KALRN: variants seen among roughly 807,000 people sequenced by gnomAD.
KALRN encodes kalirin.
In KALRN, 70 loss-of-function variants were observed where a neutral mutation model predicts 353.7. The observed-to-expected ratio is 0.20, with a 90% confidence interval of 0.16 to 0.24. The LOEUF (loss-of-function observed/expected upper bound fraction) is 0.24. KALRN is among the 10% of genes least tolerant of loss of function. The pLI is 1.00. For synonymous variants in KALRN, 1,391 were observed against 1,434.8 expected (o/e 0.97, Z 0.69); for missense variants, 2,791 against 3,756.7 (o/e 0.74, Z 6.72).
At chr3:124,561,844 T>C (rs551245921) in intron 33 of KALRN, among the ~76,000 whole-genome samples, 1 of 152,284 alleles carries the variant, frequency 6.6e-6, no homozygotes, top group African/African-American at 2.4e-5. Flanking sequence ...CAGCTGCTCT[T>C]CCAAGAGGGA....
intron 1 of KALRN, among the ~76,000 whole-genome samples, chr3:124,067,910 G>C (rs562506850): frequency 1.3e-5 from 2 of 152,356 alleles, no homozygotes. Flanking sequence ...GACTCCTGAC[G>C]TAGTCTTGTA....
At chr3:124,649,662 A>G (rs890234086) in intron 37 of KALRN, among the ~76,000 whole-genome samples, 9 of 151,616 alleles carry the variant, frequency 5.9e-5, no homozygotes, top group Non-Finnish European at 1.2e-4. Context: ...ATGGTGGTGC[A>G]TGACTGTCCC....
rs1051582363 is a variant in KALRN, at chr3:124,329,947, C to A, written c.1371C>A (p.His457Gln). 1.9e-6 allele frequency: 3 copies of A among 1,613,750 alleles called. No individual in the cohort carries two copies. In the Admixed American group the frequency reaches 5.0e-5, roughly 27 times the overall value. The change falls in exon 8 of 60, where the codon CAC becomes CAA. Residue 457 changes from histidine to glutamine, a missense_variant. Transcript: ENST00000682506. ...TGCAAGACCTAGAGCTGGCAATCCA[C>A]CACCACCAGACCTTGTATGAGCAGG... ...SEMQDLELAIHHHQTLYEQVT... is the reference protein window; with the variant it reads ...SEMQDLELAIQHHQTLYEQVT...
rs201826068 is a variant in KALRN at position 124,413,477 on chromosome 3, C to T, written c.2354C>T (p.Ala785Val). ...ACAGTGGTTCCCTCACAGGTGACAG[C>T]AGAGCTAGACGCCTGGAATGAAGAC... is the stretch of plus-strand genomic sequence containing the variant. ...IFEQYTIEVT[A>V]ELDAWNEDLL... Residue 785 changes from alanine to valine, a missense_variant, in exon 14 of 60, where the codon GCA (alanine) becomes GTA (valine). Coordinates refer to ENST00000682506, the MANE Select transcript of KALRN (RefSeq NM_001388419.1). 1,226 of 1,613,740 alleles carry T rather than the reference C, an allele frequency of 7.6e-4. 4 individuals carry two copies. Among genetic ancestry groups the T allele is most frequent in the Non-Finnish European group, 1.0e-4 (121 of 1,179,746 alleles).
chr3:124,432,791 T>A (rs930536061), intron 16 of KALRN, among the ~76,000 whole-genome samples: 1 of 152,202 alleles, frequency 6.6e-6, no homozygotes, highest in Non-Finnish European at 1.5e-5. Flanking sequence ...CATAAACACC[T>A]CTTAATCAGT....
chr3:124,519,429 T>G, intron 33 of KALRN: 1 of 985,382 alleles, frequency 1.0e-6, no homozygotes, highest in African/African-American at 1.7e-5. Context: ...GAGGCAGAGA[T>G]GATGATTCCA....
At chr3:124,571,093 A>G (rs2073465657) in intron 34 of KALRN, among the ~76,000 whole-genome samples, 1 of 152,174 alleles carries the variant, frequency 6.6e-6, no homozygotes, top group African/African-American at 2.4e-5. Flanking sequence ...CCCCGAGTGT[A>G]AATCCACCAG....
chr3:124,654,690 C>G (rs905644156), intron 38 of KALRN, among the ~76,000 whole-genome samples: 12 of 152,216 alleles, frequency 7.9e-5, no homozygotes, highest in African/African-American at 2.9e-4. Flanking sequence ...GTTTACCAAG[C>G]AGTGGGCTGC....
intron 43 of KALRN, among the ~76,000 whole-genome samples, chr3:124,660,212 C>T (rs922220542): frequency 3.3e-5 from 5 of 152,300 alleles, no homozygotes; most frequent in East Asian, 3.9e-4. Flanking sequence ...AGATTACAGA[C>T]ATGAGCCACT....
chr3:124,128,226 A>C (rs2064900604), intron 1 of KALRN, among the ~76,000 whole-genome samples: 1 of 152,200 alleles, frequency 6.6e-6, no homozygotes, highest in Non-Finnish European at 1.5e-5. Context: ...CTATAGTCAC[A>C]TTTATCAGTG....
chr3:124,521,084 T>C (rs969287225), intron 33 of KALRN, among the ~76,000 whole-genome samples: 2 of 152,226 alleles, frequency 1.3e-5, no homozygotes, highest in Non-Finnish European at 2.9e-5. Flanking sequence ...ACCAGTGTCC[T>C]GCTCTTCCTT....
chr3:124,314,468 G>T (rs959482208), intron 6 of KALRN, among the ~76,000 whole-genome samples: 3 of 151,890 alleles, frequency 2.0e-5, no homozygotes, highest in African/African-American at 7.3e-5. Context: ...CCCACACGTT[G>T]TGCACATATA....
At chr3:124,049,762 G>A (rs1381751052) in intron 1 of KALRN, among the ~76,000 whole-genome samples, 2 of 152,158 alleles carry the variant, frequency 1.3e-5, no homozygotes, top group African/African-American at 4.8e-5. Context: ...TCATCTAACT[G>A]CCCAGATGGC....
intron 47 of KALRN, among the ~76,000 whole-genome samples, chr3:124,669,917 A>G (rs965497342): frequency 1.3e-5 from 2 of 151,382 alleles, no homozygotes; most frequent in Non-Finnish European, 2.9e-5. Context: ...AACTCTGTAC[A>G]TGTTCAGTAC....
chr3:124,286,483 C>A (rs2075921971), intron 5 of KALRN, among the ~76,000 whole-genome samples: 1 of 151,978 alleles, frequency 6.6e-6, no homozygotes, highest in Non-Finnish European at 1.5e-5. Context: ...AAACTCCTGA[C>A]CTTGTGATCT....
intron 34 of KALRN, among the ~76,000 whole-genome samples, chr3:124,596,469 A>AAAAC (rs890952288): frequency 1.3e-5 from 2 of 152,100 alleles, no homozygotes; most frequent in African/African-American, 4.8e-5. Context: ...CTCCGTCTTA[A>AAAAC]AAACAAACAA....
intron 34 of KALRN, among the ~76,000 whole-genome samples, chr3:124,577,542 G>A (rs996542665): frequency 7.9e-5 from 12 of 152,194 alleles, no homozygotes; most frequent in Admixed American, 6.5e-4. Context: ...TTAAAATAAC[G>A]CATATTACCT....
intron 34 of KALRN, chr3:124,584,995 G>A (rs1578150792): frequency 1.4e-6 from 2 of 1,463,768 alleles, no homozygotes; most frequent in Non-Finnish European, 9.2e-7. Flanking sequence ...GGAAGGGTTG[G>A]GGAGGCCTCT....
intron 33 of KALRN, among the ~76,000 whole-genome samples, chr3:124,512,513 T>C (rs1303558176): frequency 2.0e-5 from 3 of 152,104 alleles, no homozygotes; most frequent in African/African-American, 4.8e-5. Flanking sequence ...TAGCCAGGCA[T>C]GGTGGCACAC....
Sources: allele counts gnomAD v4.1 joint callset (sites outside exome capture counted in the v4.1 genomes callset), GRCh38; gene constraint gnomAD v4.1.1; transcripts MANE v1.5; gene names NCBI Gene and HGNC (gene_info 2026-07-23, HGNC 2026-07-21).